Variants in RFTN1 observed in about 807,000 individuals in gnomAD.
RFTN1 encodes raftlin, lipid raft linker 1.
In RFTN1, 26 loss-of-function variants were observed where a neutral mutation model predicts 46.5. The ratio of observed to expected loss-of-function variants is 0.56; its 90% CI spans 0.41 to 0.78. The LOEUF (loss-of-function observed/expected upper bound fraction) is 0.78, where lower values mean the gene tolerates loss of function less well. RFTN1 is among the 30% of genes least tolerant of loss of function. The probability of loss-of-function intolerance (pLI) is 0.00; values close to 1 mark genes in which losing one functional copy is unlikely to be tolerated. For synonymous variants in RFTN1, 261 were observed against 284.2 expected (o/e 0.92, Z 0.82); for missense variants, 693 against 718.7 (o/e 0.96, Z 0.41).
chr3:16,454,436 G>A (rs1433534250), intron 2 of RFTN1, among the ~76,000 whole-genome samples: 1 of 152,120 alleles, frequency 6.6e-6, no homozygotes, highest in Non-Finnish European at 1.5e-5. Context: ...AATCAGACCT[G>A]CATTTCAATA....
rs926416166 is a variant in RFTN1 at position 16,370,351 on chromosome 3, A to G, written c.827-72T>C. ...GATAAAAATCTGTTTCATCGGCTTA[A>G]GTGGAATCTCTCAGGAGCCTGAATA... On this transcript the variant is annotated intron_variant, in intron 5 of 9. Coordinates refer to ENST00000334133, the MANE Select transcript of RFTN1 (RefSeq NM_015150.2). This position sits in a 1 kb window ranked among gnomAD's most constrained non-coding sequence, Gnocchi z 5.5. The G allele has an allele frequency of 1.1e-4, 156 of 1,405,358 alleles. No homozygotes were observed. Among genetic ancestry groups the G allele is most frequent in the Admixed American group, 4.7e-4 (28 of 59,428 alleles). 87.1% of individuals were successfully genotyped at this position (1,405,358 alleles called of 1,614,324 possible).
rs200191694 is a variant in RFTN1, at chr3:16,377,838, G to A, written c.706C>T (p.Gln236Ter). Residue 236 changes from glutamine to a stop codon, truncating the protein, a stop_gained, in exon 5 of 10, where the codon CAG becomes TAG. Coordinates refer to ENST00000334133, the MANE Select transcript of RFTN1 (RefSeq NM_015150.2). LOFTEE classifies it high-confidence loss of function. ...GPRGEVPLAK[Q>*]PSSPSGEGDG... Reference sequence around the variant, plus strand: ...CCCTCTCCGGAGGGTGAGCTGGGCTGCTTGGCGAGGGGCACCTCCCCTCTG... The same window carrying A: ...CCCTCTCCGGAGGGTGAGCTGGGCTACTTGGCGAGGGGCACCTCCCCTCTG... The A allele has an allele frequency of 6.2e-7, 1 of 1,614,142 alleles. No individual in the cohort carries two copies. Among genetic ancestry groups the A allele is most frequent in the Non-Finnish European group, 8.5e-7 (1 of 1,179,984 alleles).
chr3:16,409,450 G>A lies in RFTN1; in HGVS notation c.366C>T (p.Tyr122=), dbSNP rs754932509. The A allele has an allele frequency of 6.8e-6, 11 of 1,613,234 alleles. No homozygotes were observed. In the African/African-American group the frequency reaches 1.1e-4, roughly 16 times the overall value. Reference sequence around the variant, plus strand: ...AGGAACAGCAATCTAATTCCAAGATGTAGCCTTCATTGTGAAGATCAGTTT... The same window carrying A: ...AGGAACAGCAATCTAATTCCAAGATATAGCCTTCATTGTGAAGATCAGTTT... ...SQKTDLHNEG[Y]ILELDCCSSL... The change falls in exon 4 of 10, where the codon TAC becomes TAT. Residue 122 remains tyrosine (Y), a synonymous_variant. Transcript: ENST00000334133.
rs1179228126 is a variant in RFTN1 at position 16,336,433 on chromosome 3, C to T, written c.1147-9557G>A. 6.6e-6 allele frequency among the ~76,000 whole-genome samples: 1 copy of T among 152,200 alleles called. No homozygotes were observed. The highest frequency in any genetic ancestry group is 1.5e-5 in the Non-Finnish European group (1 of 68,036). On this transcript the variant is annotated intron_variant, in intron 7 of 9. Coordinates refer to ENST00000334133, the MANE Select transcript of RFTN1 (RefSeq NM_015150.2). This position sits in a 1 kb window ranked among gnomAD's most constrained non-coding sequence, Gnocchi z 6.0. The stretch of plus-strand genomic sequence containing the variant: ...GCTGCTCTGTGGAGAAACAGCAAAG[C>T]CCTCTGCAGCCAGCACAGCTGGCCT...
In RFTN1 at chr3:16,468,452, G is replaced by T. The variant is rs1161419354; in HGVS notation, c.145+25273C>A. ...ATCCTAACAACACTGACAGAGTGAA[G>T]GGCACGTTTCTCCCTTTGGTGGGAT... On this transcript the variant is annotated intron_variant, in intron 2 of 9. Coordinates refer to ENST00000334133, the MANE Select transcript of RFTN1 (RefSeq NM_015150.2). This position sits in a 1 kb window ranked among gnomAD's most constrained non-coding sequence, Gnocchi z 4.4. Among the ~76,000 whole-genome samples, 4 of 152,100 alleles carry T rather than the reference G, an allele frequency of 2.6e-5. No homozygotes were observed. Among genetic ancestry groups the T allele is most frequent in the African/African-American group, 9.7e-5 (4 of 41,402 alleles).
At chr3:16,364,011 C>CT (rs1312749463) in intron 6 of RFTN1, among the ~76,000 whole-genome samples, 4 of 152,250 alleles carry the variant, frequency 2.6e-5, no homozygotes, top group Admixed American at 6.5e-5. Context: ...AGCTAATTTG[C>CT]TCTATTAACC....
chr3:16,491,126 A>G (rs1235766617), intron 2 of RFTN1, among the ~76,000 whole-genome samples: 1 of 152,214 alleles, frequency 6.6e-6, no homozygotes, highest in Non-Finnish European at 1.5e-5. Context: ...GAGAAAATCA[A>G]GAGGGGAAAG....
chr3:16,382,823 C>G lies in RFTN1; in HGVS notation c.442-4721G>C, dbSNP rs73041454. The stretch of plus-strand genomic sequence containing the variant: ...AGCTCACTTTATTTCAAGCCCTCAT[C>G]ATCTGTTGCTGGACATCACCATGAC... On this transcript the variant is annotated intron_variant, in intron 4 of 9. Coordinates refer to ENST00000334133, the MANE Select transcript of RFTN1 (RefSeq NM_015150.2). The surrounding 1 kb of genome is among the most constrained non-coding windows in gnomAD (Gnocchi z 4.7). Among the ~76,000 whole-genome samples the G allele has an allele frequency of 6.6e-6, 1 of 152,168 alleles. No homozygotes were observed. The highest frequency in any genetic ancestry group is 6.5e-5 in the Admixed American group (1 of 15,278).
chr3:16,336,547 C>T lies in RFTN1; in HGVS notation c.1147-9671G>A, dbSNP rs1056371773. Among the ~76,000 whole-genome samples, 1 of 152,180 alleles carries T rather than the reference C, an allele frequency of 6.6e-6. No individual in the cohort carries two copies. Among genetic ancestry groups the T allele is most frequent in the African/African-American group, 2.4e-5 (1 of 41,446 alleles). On this transcript the variant is annotated intron_variant, in intron 7 of 9. Transcript: ENST00000334133. This position sits in a 1 kb window ranked among gnomAD's most constrained non-coding sequence, Gnocchi z 6.0. ...ATGTTGTTTTCTCCTTTGTTTTATG[C>T]ACAATGCCCCAGAAAAACATTTTGC...
At chr3:16,510,643 C>T (rs925776285) in intron 1 of RFTN1, among the ~76,000 whole-genome samples, 2 of 152,176 alleles carry the variant, frequency 1.3e-5, no homozygotes, top group Non-Finnish European at 2.9e-5. Flanking sequence ...GCTGTAGTAT[C>T]TGGAATCTCA....
rs556998425 is a variant in RFTN1, at chr3:16,344,842, T to C, written c.1146+13090A>G. On this transcript the variant is annotated intron_variant, in intron 7 of 9. Coordinates refer to ENST00000334133, the MANE Select transcript of RFTN1 (RefSeq NM_015150.2). The surrounding 1 kb of genome is among the most constrained non-coding windows in gnomAD (Gnocchi z 4.4). ...ATTTCAAAGAACATATTTCAAGGAG[T>C]GGTAGTGAGTGAACACATAACTACA... 2.0e-5 allele frequency among the ~76,000 whole-genome samples: 3 copies of C among 152,032 alleles called. No homozygotes were observed. Among genetic ancestry groups the C allele is most frequent in the African/African-American group, 4.8e-5 (2 of 41,456 alleles).
Position 16,458,588 on chromosome 3 carries a change from C to T in RFTN1, c.146-24551G>A, listed in dbSNP as rs1182376236. 1.3e-5 allele frequency among the ~76,000 whole-genome samples: 2 copies of T among 152,104 alleles called. No homozygotes were observed. Among genetic ancestry groups the T allele is most frequent in the Non-Finnish European group, 2.9e-5 (2 of 68,028 alleles). On this transcript the variant is annotated intron_variant, in intron 2 of 9. Transcript: ENST00000334133. The surrounding 1 kb of genome is among the most constrained non-coding windows in gnomAD (Gnocchi z 5.1). ...CCATCTTTGTAAATCGTAAATTGTC[C>T]TTTCAACATGCATAATGACAAGCAT...
At position 16,400,367 on chromosome 3, in the gene RFTN1, TC is replaced by T. The variant is rs2074571329; in HGVS notation, c.441+9007del. ...TTGGTATGTACACTTCATGGAGCAC[TC>T]CCCCAACACTGCCAGCCTGGGGCAG... On this transcript the variant is annotated intron_variant, in intron 4 of 9. Transcript: ENST00000334133. The surrounding 1 kb of genome is among the most constrained non-coding windows in gnomAD (Gnocchi z 4.5). Among the ~76,000 whole-genome samples the T allele has an allele frequency of 6.6e-6, 1 of 152,090 alleles. No homozygotes were observed. Among genetic ancestry groups the T allele is most frequent in the Non-Finnish European group, 1.5e-5 (1 of 68,012 alleles).
chr3:16,357,581 A>G (rs2072534773), intron 7 of RFTN1, among the ~76,000 whole-genome samples: 1 of 152,152 alleles, frequency 6.6e-6, no homozygotes, highest in Non-Finnish European at 1.5e-5. Context: ...TGGCTCCAAT[A>G]TTGATGCTGC....
In RFTN1 at chr3:16,346,759, C is replaced by T. The variant is rs1273118702; in HGVS notation, c.1146+11173G>A. Among the ~76,000 whole-genome samples the T allele has an allele frequency of 6.6e-6, 1 of 152,182 alleles. No homozygotes were observed. Among genetic ancestry groups the T allele is most frequent in the Admixed American group, 6.5e-5 (1 of 15,288 alleles). On this transcript the variant is annotated intron_variant, in intron 7 of 9. Coordinates refer to ENST00000334133, the MANE Select transcript of RFTN1 (RefSeq NM_015150.2). This position sits in a 1 kb window ranked among gnomAD's most constrained non-coding sequence, Gnocchi z 4.4. ...CAGGAAAAAACTGCCCCGTTCTTCA[C>T]GGTTGTCATCACATTTGCATGAGAC... is the stretch of plus-strand genomic sequence containing the variant.
Position 16,363,669 on chromosome 3 carries a change from G to A in RFTN1, c.1031-5622C>T, listed in dbSNP as rs931778040. 3.9e-5 allele frequency among the ~76,000 whole-genome samples: 6 copies of A among 152,198 alleles called. No individual in the cohort carries two copies. In the East Asian group the frequency reaches 7.7e-4, roughly 20 times the overall value. ...CCTGAATGTGCATGCCATGACAAGC[G>A]GTCAATGCATTTGGTCTATTTTTGC... On this transcript the variant is annotated intron_variant, in intron 6 of 9. Transcript: ENST00000334133.
At chr3:16,412,351 C>A (rs570628482) in intron 3 of RFTN1, among the ~76,000 whole-genome samples, 37 of 152,350 alleles carry the variant, frequency 2.4e-4, no homozygotes, top group Non-Finnish European at 3.5e-4. Flanking sequence ...GCTGGCTGCC[C>A]AGCCTTGAAG....
rs781026082 is a variant in RFTN1 at position 16,482,862 on chromosome 3, C to T, written c.145+10863G>A. ...TCTGCCATGAAGATGAAGGACTGTA[C>T]GAGGAGGAGCCTCCCACCGGGGTGA... On this transcript the variant is annotated intron_variant, in intron 2 of 9. Transcript: ENST00000334133. 4.6e-5 allele frequency: 71 copies of T among 1,532,414 alleles called. No homozygotes were observed. In the African/African-American group the frequency reaches 6.2e-4, roughly 13 times the overall value. The allele number at this position is 1,532,414 out of a possible 1,614,324, so 94.9% of individuals were successfully genotyped here.
intron 2 of RFTN1, 86 bp from the exon 3 acceptor site, chr3:16,434,123 G>A: frequency 2.5e-6 from 3 of 1,192,570 alleles, no homozygotes; most frequent in Non-Finnish European, 3.4e-6. Flanking sequence ...TTGCCCTCGG[G>A]GAGGATCCTC....
Sources: gnomAD v4.1 joint callset for allele counts (sites outside exome capture counted in the v4.1 genomes callset) on GRCh38, gnomAD v4.1.1 for gene constraint, Gnocchi (gnomAD v3.1) non-coding constraint, MANE v1.5 for transcripts, NCBI Gene and HGNC (gene_info 2026-07-23, HGNC 2026-07-21) for gene names.